The following ITPK1 variants were observed in gnomAD, a reference collection of about 807,000 sequenced individuals.
ITPK1 encodes the protein inositol 1,3,4-trisphosphate 5/6-kinase.
Under a neutral mutation model 45.3 loss-of-function variants are expected in ITPK1, and 21 were observed. The ratio of observed to expected loss-of-function variants is 0.46; its 90% confidence interval spans 0.33 to 0.67. ITPK1 has a LOEUF of 0.67. ITPK1 is among the 30% of genes least tolerant of loss of function. The probability of loss-of-function intolerance (pLI) is 0.02; values close to 1 mark genes in which losing one functional copy is unlikely to be tolerated. For missense variants in ITPK1, 474 were observed against 573.5 expected, an observed-to-expected ratio of 0.83 and a Z score of 1.77; for synonymous variants, 258 against 253.6, an observed-to-expected ratio of 1.02 and a Z score of -0.16.
At chr14:92,988,903 A>G (rs1886638232) in intron 5 of ITPK1, among the ~76,000 whole-genome samples, 1 of 152,188 alleles carries the variant, frequency 6.6e-6, no homozygotes, top group Non-Finnish European at 1.5e-5. Context: ...GCACCTGCCT[A>G]AGCGCTGACA....
rs138157481 is a variant in ITPK1 at position 92,953,151 on chromosome 14, C to T, written c.671-1138G>A. Among the ~76,000 whole-genome samples, 1,286 of 152,370 alleles carry T rather than the reference C, an allele frequency of 8.4e-3. 17 individuals are homozygous for T. The highest frequency in any genetic ancestry group is 0.015 in the Non-Finnish European group (1,001 of 68,022). On this transcript the variant is annotated intron_variant, in intron 8 of 10. Coordinates refer to ENST00000267615, the MANE Select transcript of ITPK1 (RefSeq NM_014216.6). ...ATGGGGCACCTGATCTGGCTGCCAACGACCCATCAGCTCCAGGACTTCACA... is the reference window on the plus strand; with the variant it reads ...ATGGGGCACCTGATCTGGCTGCCAATGACCCATCAGCTCCAGGACTTCACA...
At chr14:93,101,441 A>G (rs1241942637) in intron 2 of ITPK1, among the ~76,000 whole-genome samples, 1 of 152,236 alleles carries the variant, frequency 6.6e-6, no homozygotes, top group Non-Finnish European at 1.5e-5. Flanking sequence ...CCTGCACAGA[A>G]GGGAAGTTTG....
At chr14:92,984,897 G>C (rs1886419131) in intron 5 of ITPK1, among the ~76,000 whole-genome samples, 2 of 152,202 alleles carry the variant, frequency 1.3e-5, no homozygotes, top group African/African-American at 4.8e-5. Flanking sequence ...AAACATATGA[G>C]AGACAGTCTG....
At chr14:93,033,885 G>T (rs1012744906) in intron 3 of ITPK1, among the ~76,000 whole-genome samples, 3 of 152,134 alleles carry the variant, frequency 2.0e-5, no homozygotes, top group South Asian at 2.1e-4. Context: ...GGGCAGGAAT[G>T]ATGCAGGGGA....
intron 2 of ITPK1, among the ~76,000 whole-genome samples, chr14:93,094,571 C>T (rs181113498): frequency 8.5e-4 from 129 of 152,292 alleles, no homozygotes; most frequent in Middle Eastern, 3.4e-3. Context: ...ACCAGCCCTA[C>T]GATCATCTCC....
intron 2 of ITPK1, among the ~76,000 whole-genome samples, chr14:93,088,544 C>T (rs1367785702): frequency 6.6e-6 from 1 of 151,970 alleles, no homozygotes; most frequent in Non-Finnish European, 1.5e-5. Flanking sequence ...TTAGGAGAGA[C>T]GGGGTTTTGC....
intron 4 of ITPK1, among the ~76,000 whole-genome samples, chr14:92,997,125 A>G (rs947240560): frequency 1.3e-5 from 2 of 152,214 alleles, no homozygotes; most frequent in Non-Finnish European, 2.9e-5. Flanking sequence ...CCTTCCTTCC[A>G]AAAGGGGGCC....
intron 2 of ITPK1, among the ~76,000 whole-genome samples, chr14:93,098,446 G>A (rs1219828951): frequency 7.0e-6 from 1 of 142,364 alleles, no homozygotes; most frequent in Admixed American, 6.9e-5. Context: ...GACAGAGCGA[G>A]ATTCCGTCTC....
rs2139683119 is a variant in ITPK1 at position 92,938,783 on chromosome 14, G to C, written c.*2778C>G. On this transcript the variant is annotated 3_prime_UTR_variant, in exon 11 of 11. Transcript: ENST00000267615. ...GCTCTTGGGGTGGGGACACCCAGCA[G>C]CTGGCACTCAGTTGGGGGGTTATGT... 13 of 589,424 alleles carry C rather than the reference G, an allele frequency of 2.2e-5. No homozygotes were observed. The East Asian group carries it at 3.7e-4, about 17-fold the overall frequency. 36.5% of individuals were successfully genotyped at this position (589,424 alleles called of 1,614,324 possible).
intron 2 of ITPK1, among the ~76,000 whole-genome samples, chr14:93,098,572 C>T (rs1416710518): frequency 6.6e-6 from 1 of 152,098 alleles, no homozygotes; most frequent in Admixed American, 6.5e-5. Context: ...TCCACCAGCC[C>T]CACCAGCTAA....
intron 3 of ITPK1, among the ~76,000 whole-genome samples, chr14:93,056,562 G>T (rs1242044152): frequency 1.3e-5 from 2 of 152,174 alleles, no homozygotes; most frequent in African/African-American, 4.8e-5. Flanking sequence ...CAAGAGGGGT[G>T]CAGTGATGTT....
intron 3 of ITPK1, among the ~76,000 whole-genome samples, chr14:93,051,814 C>T (rs766790687): frequency 6.6e-6 from 1 of 152,214 alleles, no homozygotes; most frequent in African/African-American, 2.4e-5. Context: ...GCAGATTGGG[C>T]GGAAGCCCTT....
At chr14:92,964,810 A>G (rs1434333360) in intron 5 of ITPK1, among the ~76,000 whole-genome samples, 1 of 152,132 alleles carries the variant, frequency 6.6e-6, no homozygotes, top group Admixed American at 6.5e-5. Flanking sequence ...GCCCTCCTCA[A>G]CTGTCCCTCC....
chr14:93,044,187 T>C (rs996100264), intron 3 of ITPK1, among the ~76,000 whole-genome samples: 1 of 152,184 alleles, frequency 6.6e-6, no homozygotes, highest in African/African-American at 2.4e-5. Flanking sequence ...ATGAGGCTGG[T>C]GGTGTGGGAC....
chr14:93,090,013 T>A (rs1371873170), intron 2 of ITPK1, among the ~76,000 whole-genome samples: 4 of 151,970 alleles, frequency 2.6e-5, no homozygotes, highest in African/African-American at 9.7e-5. Context: ...AGCTCTGCGG[T>A]GCAGGCCACC....
intron 3 of ITPK1, among the ~76,000 whole-genome samples, chr14:93,025,023 CCCCA>C (rs1888667898): frequency 6.6e-6 from 1 of 152,218 alleles, no homozygotes. Context: ...CCCAGACTTG[CCCCA>C]GTTCCAGGAG....
chr14:93,072,661 C>T (rs1327285245), intron 3 of ITPK1, among the ~76,000 whole-genome samples: 2 of 148,586 alleles, frequency 1.3e-5, no homozygotes, highest in Non-Finnish European at 3.0e-5. Context: ...GTCACCCAGG[C>T]TGAAGTGCAG....
rs1224990731 is a variant in ITPK1, at chr14:92,951,983, T to C, written c.701A>G (p.Asn234Ser). The C allele has an allele frequency of 3.8e-6, 6 of 1,577,508 alleles. No homozygotes were observed. The highest frequency in any genetic ancestry group is 1.2e-5 in the South Asian group (1 of 86,046). The change falls in exon 9 of 11, where the codon AAC (asparagine) becomes AGC (serine). Residue 234 changes from asparagine (N) to serine (S), a missense_variant. Asn to Ser is a conservative substitution (Grantham distance 46). Coordinates refer to ENST00000267615, the MANE Select transcript of ITPK1 (RefSeq NM_014216.6). Reference protein sequence around the residue: ...DRESIFFNSHNVSKPESSSVL... With the variant: ...DRESIFFNSHSVSKPESSSVL... ...CGATGACGACTCCGGCTTTGACACG[T>C]TGTGGCTGTTGAAGAAGATGGACTC...
At chr14:93,041,515 T>C (rs1228654144) in intron 3 of ITPK1, among the ~76,000 whole-genome samples, 1 of 152,202 alleles carries the variant, frequency 6.6e-6, no homozygotes, top group Non-Finnish European at 1.5e-5. Context: ...CACAGGAAGC[T>C]GGGAGAGCCA....
Sources: allele counts gnomAD v4.1 joint callset (sites outside exome capture counted in the v4.1 genomes callset), GRCh38; gene constraint gnomAD v4.1.1; transcripts MANE v1.5; gene names NCBI Gene and HGNC (gene_info 2026-07-23, HGNC 2026-07-21).